The following JAK1 variants were observed in gnomAD, a reference collection of about 807,000 sequenced individuals.
The protein encoded by JAK1 is tyrosine-protein kinase JAK1.
JAK1 carries 16 observed loss-of-function variants against 136.6 expected under a neutral mutation model. The observed-to-expected ratio is 0.12, with a 90% confidence interval of 0.08 to 0.18. JAK1 has a LOEUF of 0.18. JAK1 is among the 10% of genes least tolerant of loss of function. JAK1 has a pLI of 1.00. For synonymous variants in JAK1, 492 were observed against 519.5 expected, an observed-to-expected ratio of 0.95 and a Z score of 0.72; for missense variants, 859 against 1,450.1, an observed-to-expected ratio of 0.59 and a Z score of 6.62.
chr1:64,915,641 C>T (rs970395548), intron 1 of JAK1, among the ~76,000 whole-genome samples: 6 of 152,170 alleles, frequency 3.9e-5, no homozygotes, highest in African/African-American at 1.4e-4. Flanking sequence ...ATGTGGCTAC[C>T]AGGCATTTAA....
intron 2 of JAK1, among the ~76,000 whole-genome samples, chr1:64,980,212 C>T (rs1224685192): frequency 6.6e-6 from 1 of 152,140 alleles, no homozygotes; most frequent in Non-Finnish European, 1.5e-5. Flanking sequence ...TTTGAACTCT[C>T]AACACGGTGC....
intron 1 of JAK1, among the ~76,000 whole-genome samples, chr1:64,909,171 A>C (rs934949694): frequency 6.6e-6 from 1 of 152,206 alleles, no homozygotes; most frequent in Non-Finnish European, 1.5e-5. Flanking sequence ...TTTTGTCTCC[A>C]AATTACTGCT....
chr1:65,002,681 C>A (rs957279849), intron 2 of JAK1, among the ~76,000 whole-genome samples: 3 of 152,246 alleles, frequency 2.0e-5, no homozygotes, highest in African/African-American at 4.8e-5. Flanking sequence ...TCCGAAAGTG[C>A]GAGCCTGGCC....
intron 1 of JAK1, among the ~76,000 whole-genome samples, chr1:64,961,071 C>T (rs1415193068): frequency 6.6e-6 from 1 of 152,216 alleles, no homozygotes; most frequent in African/African-American, 2.4e-5. Flanking sequence ...CCTCTGAGAA[C>T]ATGTCTTCCT....
At chr1:65,056,833 AG>A (rs1226538043) in intron 1 of JAK1, among the ~76,000 whole-genome samples, 2 of 151,472 alleles carry the variant, frequency 1.3e-5, no homozygotes, top group Admixed American at 1.3e-4. Context: ...CTGAGGCATA[AG>A]GATCACTTGA....
At chr1:65,035,986 T>C (rs1457499430) in intron 2 of JAK1, among the ~76,000 whole-genome samples, 2 of 152,050 alleles carry the variant, frequency 1.3e-5, no homozygotes, top group African/African-American at 4.8e-5. Context: ...AAGAATCACT[T>C]GAACCCGGGA....
At chr1:64,886,423 G>T in intron 1 of JAK1, 82 bp from the exon 2 acceptor site, 1 of 722,908 alleles carries the variant, frequency 1.4e-6, no homozygotes, top group Non-Finnish European at 2.1e-6. Flanking sequence ...TAAGGAAGCA[G>T]CCCAAACCAT....
chr1:65,053,929 G>A (rs1185005140), intron 1 of JAK1, among the ~76,000 whole-genome samples: 1 of 152,184 alleles, frequency 6.6e-6, no homozygotes, highest in Non-Finnish European at 1.5e-5. Flanking sequence ...TGAAATTAGC[G>A]TGGCAGGCAA....
At chr1:64,985,273 T>C in intron 2 of JAK1, 1 of 1,608,758 alleles carries the variant, frequency 6.2e-7, no homozygotes. Context: ...AGCTGGAGCA[T>C]GATGGAAATG....
chr1:65,049,444 A>G (rs1169849081), intron 1 of JAK1, among the ~76,000 whole-genome samples: 4 of 152,106 alleles, frequency 2.6e-5, no homozygotes, highest in Non-Finnish European at 4.4e-5. Context: ...ATGACAAAAA[A>G]CACAACCCAA....
At chr1:64,954,413 T>C (rs2100593778) in intron 1 of JAK1, among the ~76,000 whole-genome samples, 1 of 152,332 alleles carries the variant, frequency 6.6e-6, no homozygotes, top group Admixed American at 6.5e-5. Flanking sequence ...CGTGGGATGA[T>C]GTGCTACAAA....
chr1:64,843,446 T>G (rs777970515), intron 17 of JAK1, among the ~76,000 whole-genome samples: 1 of 152,186 alleles, frequency 6.6e-6, no homozygotes, highest in Non-Finnish European at 1.5e-5. Flanking sequence ...CTGTTTTGCA[T>G]TCTAGCTGAG....
chr1:65,043,505 A>G (rs1647153688), intron 2 of JAK1, among the ~76,000 whole-genome samples: 1 of 152,132 alleles, frequency 6.6e-6, no homozygotes, highest in Admixed American at 6.5e-5. Context: ...AATGTTACAT[A>G]GCATATGATT....
At chr1:64,957,213 G>A (rs190645118) in intron 1 of JAK1, among the ~76,000 whole-genome samples, 1 of 152,158 alleles carries the variant, frequency 6.6e-6, no homozygotes, top group East Asian at 1.9e-4. Flanking sequence ...GGTGCTCTAG[G>A]GGCAACAGTG....
intron 17 of JAK1, among the ~76,000 whole-genome samples, chr1:64,842,141 G>A (rs549152779): frequency 6.6e-6 from 1 of 151,962 alleles, no homozygotes; most frequent in South Asian, 2.1e-4. Flanking sequence ...AGTATTAAAT[G>A]AAAAAACTCA....
intron 4 of JAK1, among the ~76,000 whole-genome samples, chr1:64,875,202 A>AG (rs1258433847): frequency 6.6e-6 from 1 of 152,180 alleles, no homozygotes; most frequent in Non-Finnish European, 1.5e-5. Flanking sequence ...CTCCATTGCC[A>AG]GGGGAGGTGG....
chr1:64,897,733 G>A (rs1377118934), intron 1 of JAK1, among the ~76,000 whole-genome samples: 1 of 146,794 alleles, frequency 6.8e-6, no homozygotes, highest in Non-Finnish European at 1.5e-5. Context: ...TACTACCCAA[G>A]GAGAATGCAG....
chr1:64,864,348 G>A (rs751921486), intron 8 of JAK1, among the ~76,000 whole-genome samples: 27 of 152,258 alleles, frequency 1.8e-4, no homozygotes, highest in Non-Finnish European at 2.8e-4. Context: ...TCACTGGGGT[G>A]TGCCTGACAC....
At chr1:64,937,979 A>G (rs1645821209) in intron 1 of JAK1, among the ~76,000 whole-genome samples, 1 of 151,912 alleles carries the variant, frequency 6.6e-6, no homozygotes, top group African/African-American at 2.4e-5. Flanking sequence ...TCCCGGGTTC[A>G]TGCCATTCTC....
Sources: allele counts gnomAD v4.1 joint callset (sites outside exome capture counted in the v4.1 genomes callset), GRCh38; gene constraint gnomAD v4.1.1; transcripts MANE v1.5; gene names NCBI Gene and HGNC (gene_info 2026-07-23, HGNC 2026-07-21).